Variants in RAMP1 observed in about 807,000 individuals in gnomAD.
RAMP1 encodes receptor activity modifying protein 1.
RAMP1 carries 7 observed loss-of-function variants against 8.2 expected under a neutral mutation model. That is an observed-to-expected ratio of 0.85 (90% CI 0.49 to 1.60). The LOEUF is 1.60. RAMP1 is among the 40% of genes most tolerant of loss of function. The pLI is 0.00. For missense variants in RAMP1, 192 were observed against 202.4 expected, an observed-to-expected ratio of 0.95 and a Z score of 0.31; for synonymous variants, 92 against 84.7, an observed-to-expected ratio of 1.09 and a Z score of -0.47.
At chr2:237,910,257 G>GAC (rs1389740710) in intron 2 of RAMP1, among the ~76,000 whole-genome samples, 1 of 148,814 alleles carries the variant, frequency 6.7e-6, no homozygotes, top group Non-Finnish European at 1.5e-5. Context: ...CACACACAGG[G>GAC]ACACACACAG....
chr2:237,888,664 CTT>C (rs1470196714), intron 2 of RAMP1, among the ~76,000 whole-genome samples: 1 of 152,032 alleles, frequency 6.6e-6, no homozygotes, highest in South Asian at 2.1e-4. Context: ...TTTTTTAAGA[CTT>C]TATTTTTTAG....
intron 1 of RAMP1, among the ~76,000 whole-genome samples, chr2:237,863,432 C>T (rs532194446): frequency 6.6e-6 from 1 of 152,222 alleles, no homozygotes; most frequent in African/African-American, 2.4e-5. Context: ...TGCTCCAGAA[C>T]AGGAGGACTC....
chr2:237,880,026 G>A (rs73092507), intron 2 of RAMP1, among the ~76,000 whole-genome samples: 6,791 of 148,770 alleles, frequency 0.046, 272 homozygotes, highest in African/African-American at 0.11. Context: ...GATAATTTAG[G>A]AACCAAGAAG....
rs111827579 is a variant in RAMP1 at position 237,877,151 on chromosome 2, C to T, written c.53-73C>T. On this transcript the variant is annotated intron_variant, in intron 1 of 2. Coordinates refer to ENST00000254661, the MANE Select transcript of RAMP1 (RefSeq NM_005855.4). The surrounding 1 kb of genome is among the most constrained non-coding windows in gnomAD (Gnocchi z 4.4). ...TCTCGTGGAGTCCGGGCTGCAGGGG[C>T]GCGCGGGCTGGCGGTGATACCCCTA... The T allele has an allele frequency of 6.1e-5, 98 of 1,598,282 alleles. No individual in the cohort carries two copies. In the African/African-American group the frequency reaches 1.0e-3, roughly 17 times the overall value.
Position 237,877,189 on chromosome 2 carries a change from C to A in RAMP1, c.53-35C>A. 6.2e-7 allele frequency: 1 copy of A among 1,612,418 alleles called. No homozygotes were observed. The highest frequency in any genetic ancestry group is 1.1e-5 in the South Asian group (1 of 91,064). On this transcript the variant is annotated intron_variant, in intron 1 of 2. Coordinates refer to ENST00000254661, the MANE Select transcript of RAMP1 (RefSeq NM_005855.4). The surrounding 1 kb of genome is among the most constrained non-coding windows in gnomAD (Gnocchi z 4.4). ...GGTGATACCCCTAGGCCTCTGCTGC[C>A]GCCCGCCATCTCTTCATGGCCGTGT... is the stretch of plus-strand genomic sequence containing the variant.
chr2:237,911,594 T>G lies in RAMP1; in HGVS notation c.258T>G (p.Asn86Lys). 1 of 1,614,152 alleles carries G rather than the reference T, an allele frequency of 6.2e-7. No homozygotes were observed. The highest frequency in any genetic ancestry group is 8.5e-7 in the Non-Finnish European group (1 of 1,180,006). ...AGAAGCTGGGCTGCTTCTGGCCCAA[T>G]GCAGAGGTGGACAGGTTCTTCCTGG... The part of the protein sequence containing the change: ...MAEKLGCFWP[N>K]AEVDRFFLAV... Residue 86 changes from asparagine (N) to lysine (K), a missense_variant, in exon 3 of 3, where the codon AAT (asparagine) becomes AAG (lysine). Coordinates refer to ENST00000254661, the MANE Select transcript of RAMP1 (RefSeq NM_005855.4).
chr2:237,861,865 AC>A (rs2062135972), intron 1 of RAMP1, among the ~76,000 whole-genome samples: 1 of 151,346 alleles, frequency 6.6e-6, no homozygotes. Context: ...AAAAAAAAAA[AC>A]TTAGGATCCA....
intron 1 of RAMP1, among the ~76,000 whole-genome samples, chr2:237,867,108 G>A (rs919606382): frequency 2.6e-5 from 4 of 152,098 alleles, no homozygotes; most frequent in African/African-American, 4.8e-5. Flanking sequence ...GGTATCTCAC[G>A]CCTGTAATCC....
At chr2:237,892,845 T>G (rs996687684) in intron 2 of RAMP1, among the ~76,000 whole-genome samples, 3 of 152,184 alleles carry the variant, frequency 2.0e-5, no homozygotes, top group African/African-American at 7.2e-5. Flanking sequence ...CCTTTCTGTC[T>G]TCTATGTAAT....
In RAMP1 at chr2:237,859,638, G is replaced by A. The variant is rs1056905245; in HGVS notation, c.-38G>A. 4.2e-5 allele frequency: 60 copies of A among 1,415,486 alleles called. No homozygotes were observed. The Admixed American group carries it at 1.3e-3, about 30-fold the overall frequency. The allele number at this position is 1,415,486 out of a possible 1,614,324, so 87.7% of individuals were successfully genotyped here. A position where few individuals can be genotyped will look rare whatever the true frequency, so the allele number is the denominator to read the frequency against. On this transcript the variant is annotated 5_prime_UTR_variant, in exon 1 of 3. Coordinates refer to ENST00000254661, the MANE Select transcript of RAMP1 (RefSeq NM_005855.4). ...CGGCGGGCTCAGTCCTCAGCGGGGC[G>A]CGTGGCGAGCGGACTCGACTCGGCA...
chr2:237,906,361 T>C (rs1468194545), intron 2 of RAMP1, among the ~76,000 whole-genome samples: 1 of 152,006 alleles, frequency 6.6e-6, no homozygotes, highest in Non-Finnish European at 1.5e-5. Flanking sequence ...GGCAGTGACC[T>C]AGAGGGCAGC....
Position 237,862,878 on chromosome 2 carries a change from C to A in RAMP1, c.52+3151C>A, listed in dbSNP as rs1472682806. On this transcript the variant is annotated intron_variant, in intron 1 of 2. Coordinates refer to ENST00000254661, the MANE Select transcript of RAMP1 (RefSeq NM_005855.4). This position sits in a 1 kb window ranked among gnomAD's most constrained non-coding sequence, Gnocchi z 4.0. ...CACGGGGAAAAGCTGCGTCTTTCCT[C>A]CAGGCTGGATCTGAGTGGGGCTGCC... Among the ~76,000 whole-genome samples the A allele has an allele frequency of 6.6e-6, 1 of 152,170 alleles. No homozygotes were observed. Among genetic ancestry groups the A allele is most frequent in the Non-Finnish European group, 1.5e-5 (1 of 68,038 alleles).
chr2:237,899,113 C>A (rs1025201274), intron 2 of RAMP1, among the ~76,000 whole-genome samples: 1 of 152,098 alleles, frequency 6.6e-6, no homozygotes, highest in Non-Finnish European at 1.5e-5. Context: ...CTCTGTCACC[C>A]ATGCTGGAGT....
intron 2 of RAMP1, among the ~76,000 whole-genome samples, chr2:237,901,561 A>G (rs2062596295): frequency 6.6e-6 from 1 of 152,224 alleles, no homozygotes; most frequent in South Asian, 2.1e-4. Flanking sequence ...CCTGAGGCAG[A>G]ACACTGGCCA....
intron 1 of RAMP1, among the ~76,000 whole-genome samples, chr2:237,871,138 C>T (rs1458377010): frequency 6.6e-6 from 1 of 152,220 alleles, no homozygotes; most frequent in Non-Finnish European, 1.5e-5. Context: ...GCACTGGCTG[C>T]TCAGAGGTGT....
intron 2 of RAMP1, among the ~76,000 whole-genome samples, chr2:237,897,771 G>GT (rs35099249): frequency 0.058 from 4,180 of 72,288 alleles, 86 homozygotes; most frequent in Middle Eastern, 0.075. Flanking sequence ...GTTTGTTTTG[G>GT]TTTTTTGGGG....
chr2:237,882,210 C>T (rs1428319053), intron 2 of RAMP1, among the ~76,000 whole-genome samples: 3 of 152,182 alleles, frequency 2.0e-5, no homozygotes, highest in Non-Finnish European at 2.9e-5. Flanking sequence ...GCACTTGGCC[C>T]GTGCCTTCTT....
At chr2:237,879,480 G>A (rs952612047) in intron 2 of RAMP1, among the ~76,000 whole-genome samples, 6 of 149,096 alleles carry the variant, frequency 4.0e-5, no homozygotes, top group South Asian at 4.2e-4. Flanking sequence ...GGGAATTTTC[G>A]TTTTTTTATT....
chr2:237,884,604 G>T (rs999509705), intron 2 of RAMP1, among the ~76,000 whole-genome samples: 1 of 152,234 alleles, frequency 6.6e-6, no homozygotes, highest in Non-Finnish European at 1.5e-5. Flanking sequence ...TTCAGGGTCT[G>T]AGTGCCATCT....
Sources: gnomAD v4.1 joint callset for allele counts (sites outside exome capture counted in the v4.1 genomes callset) on GRCh38, gnomAD v4.1.1 for gene constraint, Gnocchi (gnomAD v3.1) non-coding constraint, MANE v1.5 for transcripts, NCBI Gene and HGNC (gene_info 2026-07-23, HGNC 2026-07-21) for gene names.